Variants in ITSN2 observed in about 807,000 individuals in gnomAD.
ITSN2 encodes the protein intersectin-2.
In ITSN2, 156 loss-of-function variants were observed where a neutral mutation model predicts 243.7. The ratio of observed to expected loss-of-function variants is 0.64; its 90% CI spans 0.56 to 0.73. The LOEUF is 0.73. Among genes scored for constraint, ITSN2 ranks in the 30% least tolerant of loss-of-function variants. The pLI is 0.00. For synonymous variants in ITSN2, 703 were observed against 699.9 expected (o/e 1.00, Z -0.07); for missense variants, 1,801 against 1,996.1 (o/e 0.90, Z 1.86).
chr2:24,307,749 G>C (rs1682741363), intron 8 of ITSN2, among the ~76,000 whole-genome samples: 1 of 152,090 alleles, frequency 6.6e-6, no homozygotes, highest in African/African-American at 2.4e-5. Flanking sequence ...ACAGACCCTG[G>C]ACTCCTATTT....
At chr2:24,273,702 G>A (rs1468792756) in intron 18 of ITSN2, 1 of 152,182 alleles carries the variant, frequency 6.6e-6, no homozygotes, top group Non-Finnish European at 1.5e-5. Context: ...TTACTGAGGG[G>A]TGGTACTTGG....
intron 18 of ITSN2, among the ~76,000 whole-genome samples, chr2:24,275,448 A>G (rs981870845): frequency 6.6e-6 from 1 of 151,176 alleles, no homozygotes; most frequent in Non-Finnish European, 1.5e-5. Flanking sequence ...AAAGATAAAA[A>G]TAACTTAACC....
chr2:24,359,978 C>T (rs1333147563), intron 1 of ITSN2, among the ~76,000 whole-genome samples: 1 of 152,222 alleles, frequency 6.6e-6, no homozygotes, highest in Non-Finnish European at 1.5e-5. Context: ...CCACCCCCGA[C>T]CCTCGCCGGC....
intron 29 of ITSN2, among the ~76,000 whole-genome samples, chr2:24,230,088 T>A (rs1671432800): frequency 1.3e-5 from 2 of 152,178 alleles, no homozygotes; most frequent in African/African-American, 2.4e-5. Context: ...TCTTCACACG[T>A]TCTGCTGTAT....
chr2:24,232,573 T>G (rs1422737947), intron 29 of ITSN2, among the ~76,000 whole-genome samples: 2 of 152,222 alleles, frequency 1.3e-5, no homozygotes, highest in African/African-American at 4.8e-5. Flanking sequence ...TATGAAATAG[T>G]AGTTTCATCA....
Position 24,301,970 on chromosome 2 carries a change from A to G in ITSN2, c.990T>C (p.Ser330=). ...LTLPPELVPP[S]FRGGKQIDSI... The stretch of plus-strand genomic sequence containing the variant: ...CCACCTCCAGGCACACTCACCTGAA[A>G]GATGGAGGAACAAGCTCAGGAGGTA... Residue 330 remains serine (S), a synonymous_variant, in exon 10 of 40, where the codon TCT becomes TCC. Coordinates refer to ENST00000355123, the MANE Select transcript of ITSN2 (RefSeq NM_006277.3). 1 of 1,608,706 alleles carries G rather than the reference A, an allele frequency of 6.2e-7. No homozygotes were observed.
chr2:24,238,246 A>C (rs377758021), intron 29 of ITSN2, among the ~76,000 whole-genome samples: 203 of 152,296 alleles, frequency 1.3e-3, no homozygotes, highest in Admixed American at 2.2e-3. Context: ...ATCCCCTCAA[A>C]GAACTATGTA....
In ITSN2 at chr2:24,271,798, T is replaced by G; in HGVS notation, c.2225A>C (p.Asp742Ala). 1 of 1,604,746 alleles carries G rather than the reference T, an allele frequency of 6.2e-7. No homozygotes were observed. The highest frequency in any genetic ancestry group is 2.2e-5 in the East Asian group (1 of 44,752). The change falls in exon 19 of 40, where the codon GAT becomes GCT. Residue 742 changes from aspartate to alanine, a missense_variant. Around this residue, in one of 5 missense-constraint regions of ITSN2, gnomAD observed 787 missense variants for 803.9 expected, o/e 0.98. Coordinates refer to ENST00000355123, the MANE Select transcript of ITSN2 (RefSeq NM_006277.3). The stretch of plus-strand genomic sequence containing the variant: ...CTCCTCAGCTTTCAAAGTATCCTTA[T>G]CCTTACGTTGTTTCTCCTCAGCTTT... ...ERKAEEKQRK[D>A]KDTLKAEEKK...
chr2:24,292,419 G>A (rs1456239905), intron 15 of ITSN2, among the ~76,000 whole-genome samples: 2 of 7,542 alleles, frequency 2.7e-4, no homozygotes, highest in African/African-American at 7.5e-4. Flanking sequence ...TAGGGGTGAG[G>A]TGGGGGCTAA....
intron 30 of ITSN2, 62 bp downstream of exon 30, chr2:24,220,883 C>T (rs1430155659): frequency 2.1e-5 from 32 of 1,523,746 alleles, no homozygotes; most frequent in Non-Finnish European, 2.5e-5. Context: ...GAGTCTGATG[C>T]CCACCATCTC....
At chr2:24,342,128 C>T (rs979969307) in intron 1 of ITSN2, among the ~76,000 whole-genome samples, 6 of 151,990 alleles carry the variant, frequency 3.9e-5, no homozygotes, top group African/African-American at 1.4e-4. Context: ...TGAACAAAGG[C>T]ATACATAAGT....
At chr2:24,344,887 G>C (rs981817300) in intron 1 of ITSN2, among the ~76,000 whole-genome samples, 1 of 152,174 alleles carries the variant, frequency 6.6e-6, no homozygotes, top group Non-Finnish European at 1.5e-5. Context: ...GAGAGGCAGA[G>C]GTTGCAGTGA....
At chr2:24,351,315 G>A (rs1688004532) in intron 1 of ITSN2, among the ~76,000 whole-genome samples, 1 of 152,088 alleles carries the variant, frequency 6.6e-6, no homozygotes, top group Non-Finnish European at 1.5e-5. Context: ...CTCCTGAATG[G>A]CTCTTTAACT....
At chr2:24,310,077 CA>C (rs1487501326) in intron 7 of ITSN2, among the ~76,000 whole-genome samples, 1 of 151,520 alleles carries the variant, frequency 6.6e-6, no homozygotes. Flanking sequence ...ATTATTTTTT[CA>C]AAAGTAAAAT....
chr2:24,347,733 TTTTTA>T (rs1687676497), intron 1 of ITSN2, among the ~76,000 whole-genome samples: 5 of 152,078 alleles, frequency 3.3e-5, no homozygotes, highest in African/African-American at 9.7e-5. Context: ...TTTTCTTTTT[TTTTTA>T]ATCTTACATG....
intron 23 of ITSN2, among the ~76,000 whole-genome samples, chr2:24,254,638 A>G (rs940250117): frequency 6.6e-6 from 1 of 152,208 alleles, no homozygotes; most frequent in African/African-American, 2.4e-5. Flanking sequence ...TACATTTTTA[A>G]ATATATTTTT....
chr2:24,254,468 CAAAT>C (rs758108586), intron 23 of ITSN2, 37 bp from the exon 24 acceptor site: 46 of 1,490,474 alleles, frequency 3.1e-5, no homozygotes, highest in East Asian at 1.4e-4. Flanking sequence ...AACAAACAAA[CAAAT>C]ACAAGCAAAA....
intron 29 of ITSN2, among the ~76,000 whole-genome samples, chr2:24,228,233 T>C (rs1671233541): frequency 1.3e-5 from 2 of 151,592 alleles, no homozygotes; most frequent in Non-Finnish European, 2.9e-5. Context: ...GAGAAAAAAA[T>C]AACTGTCCAG....
At chr2:24,337,387 A>G (rs1426426584) in intron 1 of ITSN2, among the ~76,000 whole-genome samples, 1 of 120,522 alleles carries the variant, frequency 8.3e-6, no homozygotes, top group African/African-American at 3.0e-5. Context: ...GTCTCGCTCT[A>G]TCACCCAGGC....
Sources: gnomAD v4.1 joint callset for allele counts (sites outside exome capture counted in the v4.1 genomes callset) on GRCh38, gnomAD v4.1.1 for gene constraint, gnomAD v4.1.1 regional missense constraint, MANE v1.5 for transcripts, NCBI Gene and HGNC (gene_info 2026-07-23, HGNC 2026-07-21) for gene names.